The following DLG2 variants were observed in gnomAD, a reference collection of about 807,000 sequenced individuals.
DLG2 encodes disks large homolog 2.
A neutral mutation model predicts 132.5 loss-of-function variants in DLG2; 45 were observed. The observed-to-expected ratio is 0.34, with a 90% CI of 0.27 to 0.44. The LOEUF is 0.44. Among genes scored for constraint, DLG2 ranks in the 20% least tolerant of loss-of-function variants. The pLI is 1.00. For missense variants in DLG2, 1,045 were observed against 1,196.9 expected, an observed-to-expected ratio of 0.87 and a Z score of 1.87; for synonymous variants, 424 against 419.6, an observed-to-expected ratio of 1.01 and a Z score of -0.13.
At chr11:84,052,054 G>T (rs990008316) in intron 11 of DLG2, among the ~76,000 whole-genome samples, 1 of 151,780 alleles carries the variant, frequency 6.6e-6, no homozygotes, top group African/African-American at 2.4e-5. Context: ...ATATCATAAG[G>T]CTAAGTTTTA....
intron 4 of DLG2, among the ~76,000 whole-genome samples, chr11:85,202,943 T>A (rs1264684089): frequency 2.6e-5 from 4 of 151,252 alleles, no homozygotes; most frequent in Admixed American, 1.3e-4. Flanking sequence ...ACATAAAAAA[T>A]CTAAAAACTT....
chr11:83,668,824 TATATGTGTATATAAACACACACACAC>T (rs2076294569), intron 18 of DLG2, among the ~76,000 whole-genome samples: 9 of 135,534 alleles, frequency 6.6e-5, no homozygotes, highest in African/African-American at 1.7e-4. Context: ...TATAAACATA[TATATGTGTATATAAACACACACACAC>T]ATATATATAT....
At chr11:84,527,873 C>G (rs1319447489) in intron 7 of DLG2, among the ~76,000 whole-genome samples, 2 of 147,670 alleles carry the variant, frequency 1.4e-5, no homozygotes, top group Admixed American at 1.4e-4. Flanking sequence ...AAGAAGAGGA[C>G]AGCAGTTAAC....
intron 6 of DLG2, among the ~76,000 whole-genome samples, chr11:84,658,226 T>C (rs1279320848): frequency 6.6e-6 from 1 of 152,100 alleles, no homozygotes; most frequent in African/African-American, 2.4e-5. Flanking sequence ...GTAATTTGAG[T>C]GACCAGATAG....
chr11:83,504,083 G>GAA (rs2094577817), intron 21 of DLG2, among the ~76,000 whole-genome samples: 1 of 152,124 alleles, frequency 6.6e-6, no homozygotes, highest in African/African-American at 2.4e-5. Context: ...GAAATAAAAT[G>GAA]AAGATATTTT....
intron 6 of DLG2, among the ~76,000 whole-genome samples, chr11:84,558,947 C>A (rs577996251): frequency 1.3e-5 from 2 of 152,230 alleles, no homozygotes; most frequent in South Asian, 4.1e-4. Flanking sequence ...ATTTTTTATA[C>A]CATCATTAGA....
intron 19 of DLG2, among the ~76,000 whole-genome samples, chr11:83,627,503 G>A (rs1241935817): frequency 6.6e-6 from 1 of 152,062 alleles, no homozygotes; most frequent in African/African-American, 2.4e-5. Context: ...TCAGAACGAT[G>A]GTTTCCAGCT....
At chr11:84,915,332 T>TA (rs2092389503) in intron 6 of DLG2, among the ~76,000 whole-genome samples, 1 of 152,218 alleles carries the variant, frequency 6.6e-6, no homozygotes, top group Non-Finnish European at 1.5e-5. Context: ...AAAGAAATTG[T>TA]TAAAAGTTGG....
chr11:83,533,022 C>T (rs1258465018), intron 20 of DLG2, among the ~76,000 whole-genome samples: 1 of 142,064 alleles, frequency 7.0e-6, no homozygotes, highest in Non-Finnish European at 1.6e-5. Context: ...TATTTGTAAG[C>T]AACAGAGAGG....
At chr11:83,829,094 G>C (rs1034539027) in intron 17 of DLG2, among the ~76,000 whole-genome samples, 11 of 151,912 alleles carry the variant, frequency 7.2e-5, no homozygotes, top group African/African-American at 2.7e-4. Flanking sequence ...CCCTTCCCTG[G>C]GGATTCTACT....
In DLG2 at chr11:83,459,784, C is replaced by T. The variant is rs748453685; in HGVS notation, c.*34G>A. On this transcript the variant is annotated 3_prime_UTR_variant, in exon 28 of 28. Coordinates refer to ENST00000376104, the MANE Select transcript of DLG2 (RefSeq NM_001142699.3). ...TATATATATTTTGTTCTTCTAAATG[C>T]TCTTCTGTCGTTGTCAGAGGCGCAG... 2.6e-6 allele frequency: 3 copies of T among 1,139,800 alleles called. No individual in the cohort carries two copies. The South Asian group carries it at 3.7e-5, about 14-fold the overall frequency. 70.6% of individuals were successfully genotyped at this position (1,139,800 alleles called of 1,614,324 possible).
chr11:84,654,439 C>G (rs1159215255), intron 6 of DLG2, among the ~76,000 whole-genome samples: 2 of 152,178 alleles, frequency 1.3e-5, no homozygotes, highest in African/African-American at 4.8e-5. Flanking sequence ...CACCTGCTAA[C>G]TATGCCAGTC....
intron 6 of DLG2, among the ~76,000 whole-genome samples, chr11:84,606,211 A>T (rs2099585304): frequency 6.6e-6 from 1 of 152,056 alleles, no homozygotes; most frequent in Non-Finnish European, 1.5e-5. Flanking sequence ...TTTCAACAGG[A>T]TTTTAATTTT....
At chr11:84,070,364 T>G (rs2096738048) in intron 10 of DLG2, among the ~76,000 whole-genome samples, 1 of 152,200 alleles carries the variant, frequency 6.6e-6, no homozygotes, top group Admixed American at 6.5e-5. Context: ...CCATAGCCCA[T>G]GAAATGTTTC....
intron 6 of DLG2, among the ~76,000 whole-genome samples, chr11:84,596,231 G>GAGCTT (rs2099556727): frequency 6.8e-6 from 1 of 148,060 alleles, no homozygotes; most frequent in Non-Finnish European, 1.5e-5. Context: ...TCTCTTGACG[G>GAGCTT]AGCTTTGCTC....
intron 6 of DLG2, chr11:84,686,727 C>T (rs1454200071): frequency 2.0e-5 from 3 of 150,822 alleles, no homozygotes; most frequent in Non-Finnish European, 2.9e-5. Flanking sequence ...ATAGTGACTG[C>T]CTAACACTCA....
At position 85,278,605 on chromosome 11, in the gene DLG2, A is replaced by G. The variant is rs532368872; in HGVS notation, c.186+6615T>C. On this transcript the variant is annotated intron_variant, in intron 4 of 27. Coordinates refer to ENST00000376104, the MANE Select transcript of DLG2 (RefSeq NM_001142699.3). Reference sequence around the variant, plus strand: ...ACAAAAGCAAAACTCTGCCTCAAAGAAAAAAAAAAGAGCCTAGCCTGGACT... The same window carrying G: ...ACAAAAGCAAAACTCTGCCTCAAAGGAAAAAAAAAGAGCCTAGCCTGGACT... 4.7e-5 allele frequency among the ~76,000 whole-genome samples: 7 copies of G among 149,894 alleles called. No individual in the cohort carries two copies. The East Asian group carries it at 1.2e-3, about 25-fold the overall frequency.
At chr11:84,655,628 C>T (rs773378533) in intron 6 of DLG2, among the ~76,000 whole-genome samples, 8 of 152,006 alleles carry the variant, frequency 5.3e-5, no homozygotes, top group Non-Finnish European at 7.4e-5. Context: ...GGGTGTGACT[C>T]TTGGCTTTGT....
intron 6 of DLG2, among the ~76,000 whole-genome samples, chr11:85,051,178 A>G (rs1278284819): frequency 1.3e-5 from 2 of 152,168 alleles, no homozygotes; most frequent in African/African-American, 2.4e-5. Context: ...AACTTTAACT[A>G]GATGTTAGGA....
Sources: allele counts gnomAD v4.1 joint callset (sites outside exome capture counted in the v4.1 genomes callset), GRCh38; gene constraint gnomAD v4.1.1; transcripts MANE v1.5; gene names NCBI Gene and HGNC (gene_info 2026-07-23, HGNC 2026-07-21).